Variants in PYGO1 observed in about 807,000 individuals in gnomAD.
The protein encoded by PYGO1 is pygopus family PHD finger 1.
In PYGO1, 6 loss-of-function variants were observed where a neutral mutation model predicts 29.5. The observed-to-expected ratio is 0.20, with a 90% CI of 0.11 to 0.40. The LOEUF (loss-of-function observed/expected upper bound fraction) is 0.40, where lower values mean the gene tolerates loss of function less well. PYGO1 is among the 10% of genes least tolerant of loss of function. PYGO1 has a pLI of 1.00. For missense variants in PYGO1, 515 were observed against 514.9 expected (o/e 1.00, Z 0.00); for synonymous variants, 186 against 180.5 (o/e 1.03, Z -0.24).
chr15:55,566,358 T>C (rs2058956535), intron 1 of PYGO1, among the ~76,000 whole-genome samples: 2 of 150,808 alleles, frequency 1.3e-5, no homozygotes, highest in Non-Finnish European at 2.9e-5. Context: ...TTGCTTAGGA[T>C]AACGGCCTCC....
chr15:55,567,722 T>A (rs2058963058), intron 1 of PYGO1, among the ~76,000 whole-genome samples: 1 of 152,180 alleles, frequency 6.6e-6, no homozygotes, highest in Non-Finnish European at 1.5e-5. Context: ...ATTCTTGGAT[T>A]CTTATAGTTT....
intron 1 of PYGO1, among the ~76,000 whole-genome samples, chr15:55,568,186 A>G (rs931932502): frequency 3.3e-5 from 5 of 152,088 alleles, no homozygotes; most frequent in Non-Finnish European, 5.9e-5. Context: ...TTTTAATGAG[A>G]TTGATTCCTT....
chr15:55,546,564 T>C lies in PYGO1; in HGVS notation c.719A>G (p.Asp240Gly), dbSNP rs538321943. 37 of 1,614,042 alleles carry C rather than the reference T, an allele frequency of 2.3e-5. 1 individual carries two copies. In the South Asian group the frequency reaches 3.8e-4, roughly 17 times the overall value. ...GQAKAPPPKQDFTQGATKNTN... is the reference protein window; with the variant it reads ...GQAKAPPPKQGFTQGATKNTN... ...GTTTTTGGTTGCTCCTTGAGTAAAG[T>C]CTTGTTTTGGGGGTGGTGCTTTTGC... is the stretch of plus-strand genomic sequence containing the variant. Residue 240 changes from aspartate to glycine, a missense_variant, in exon 3 of 3, where the codon GAC becomes GGC. Transcript: ENST00000563719.
intron 1 of PYGO1, among the ~76,000 whole-genome samples, chr15:55,575,765 C>T (rs2088732778): frequency 6.6e-6 from 1 of 152,170 alleles, no homozygotes; most frequent in Admixed American, 6.5e-5. Context: ...CTCAGAGACA[C>T]CTGCACCAGG....
chr15:55,556,395 T>C (rs2058905111), intron 1 of PYGO1, among the ~76,000 whole-genome samples: 2 of 152,196 alleles, frequency 1.3e-5, no homozygotes, highest in Non-Finnish European at 2.9e-5. Context: ...TGCTCCTGAA[T>C]GACTCCCGGG....
At chr15:55,567,873 C>G (rs772585102) in intron 1 of PYGO1, among the ~76,000 whole-genome samples, 4 of 152,154 alleles carry the variant, frequency 2.6e-5, no homozygotes, top group African/African-American at 7.2e-5. Flanking sequence ...TTGTTTTTCT[C>G]AATTTTGTCA....
At chr15:55,578,904 C>A (rs986936136) in intron 1 of PYGO1, among the ~76,000 whole-genome samples, 4 of 152,130 alleles carry the variant, frequency 2.6e-5, no homozygotes, top group African/African-American at 7.2e-5. Flanking sequence ...AGCTTATCTA[C>A]CTCTAAGATA....
intron 1 of PYGO1, among the ~76,000 whole-genome samples, chr15:55,587,460 C>T (rs2059052592): frequency 6.6e-6 from 1 of 151,112 alleles, no homozygotes; most frequent in African/African-American, 2.4e-5. Context: ...CTCCAACTTA[C>T]TTTTTTTGAG....
chr15:55,565,017 A>G (rs889705873), intron 1 of PYGO1, among the ~76,000 whole-genome samples: 2 of 152,126 alleles, frequency 1.3e-5, no homozygotes, highest in East Asian at 1.9e-4. Flanking sequence ...TCTGCTTTCA[A>G]TGTGTATCAA....
chr15:55,563,337 G>A (rs1443034079), intron 1 of PYGO1, among the ~76,000 whole-genome samples: 1 of 151,360 alleles, frequency 6.6e-6, no homozygotes, highest in African/African-American at 2.4e-5. Context: ...TTTTAGGGAG[G>A]AGGTGGTGGT....
chr15:55,586,046 A>G (rs36101818), intron 1 of PYGO1, among the ~76,000 whole-genome samples: 70 of 152,072 alleles, frequency 4.6e-4, no homozygotes, highest in Admixed American at 1.3e-3. Context: ...CTACCAAAAT[A>G]CTCTTGAGTG....
At chr15:55,560,535 C>T (rs973227224) in intron 1 of PYGO1, among the ~76,000 whole-genome samples, 1 of 152,136 alleles carries the variant, frequency 6.6e-6, no homozygotes, top group Non-Finnish European at 1.5e-5. Context: ...AGAGAGGACA[C>T]AAACAAATGG....
At chr15:55,554,036 G>C (rs962316732) in intron 1 of PYGO1, among the ~76,000 whole-genome samples, 3 of 152,142 alleles carry the variant, frequency 2.0e-5, no homozygotes, top group African/African-American at 7.2e-5. Context: ...CCAAAGGTCA[G>C]CAACCTCAAA....
rs1435467831 is a variant in PYGO1, at chr15:55,546,088, T to C, written c.1195A>G (p.Lys399Glu). ...VWGCDTCMAD[K>E]DVQLMRTRET... ...CTAGTACGCATTAACTGGACATCTT[T>C]GTCAGCCATACAGGTATCACAGCCC... The change falls in exon 3 of 3, where the codon AAA becomes GAA. Residue 399 changes from lysine (K) to glutamate (E), a missense_variant. Coordinates refer to ENST00000563719, the MANE Select transcript of PYGO1 (RefSeq NM_001367806.1). 1 of 1,614,084 alleles carries C rather than the reference T, an allele frequency of 6.2e-7. No homozygotes were observed. Among genetic ancestry groups the C allele is most frequent in the African/African-American group, 1.3e-5 (1 of 74,942 alleles).
At chr15:55,554,650 C>T (rs1033904170) in intron 1 of PYGO1, among the ~76,000 whole-genome samples, 1 of 151,834 alleles carries the variant, frequency 6.6e-6, no homozygotes, top group Admixed American at 6.6e-5. Flanking sequence ...TGCTGATAAC[C>T]AGAAGAGCCA....
chr15:55,571,350 T>G (rs2058979279), intron 1 of PYGO1, among the ~76,000 whole-genome samples: 1 of 152,234 alleles, frequency 6.6e-6, no homozygotes, highest in Non-Finnish European at 1.5e-5. Flanking sequence ...TTTGAGACTC[T>G]ATTCTCAACT....
chr15:55,573,676 G>T (rs1282652893), intron 1 of PYGO1, among the ~76,000 whole-genome samples: 2 of 152,130 alleles, frequency 1.3e-5, no homozygotes, highest in East Asian at 3.9e-4. Flanking sequence ...GATGTTAGAA[G>T]CTCTGATACT....
intron 1 of PYGO1, among the ~76,000 whole-genome samples, chr15:55,586,072 G>C (rs895659659): frequency 1.3e-5 from 2 of 152,168 alleles, no homozygotes; most frequent in Admixed American, 1.3e-4. Flanking sequence ...CTTTTGGATT[G>C]TGTGTCACAA....
intron 1 of PYGO1, among the ~76,000 whole-genome samples, chr15:55,567,031 C>T (rs2058959637): frequency 6.6e-6 from 1 of 151,666 alleles, no homozygotes; most frequent in Admixed American, 6.6e-5. Flanking sequence ...CCATGCCCAG[C>T]CATTTTTTGA....
Sources: gnomAD v4.1 joint callset for allele counts (sites outside exome capture counted in the v4.1 genomes callset) on GRCh38, gnomAD v4.1.1 for gene constraint, MANE v1.5 for transcripts, NCBI Gene and HGNC (gene_info 2026-07-23, HGNC 2026-07-21) for gene names.